The following RELN variants were observed in gnomAD, a reference collection of about 807,000 sequenced individuals.
RELN encodes the protein reelin.
A neutral mutation model predicts 427.6 loss-of-function variants in RELN; 108 were observed. That is an observed-to-expected ratio of 0.25 (90% CI 0.22 to 0.30). RELN has a LOEUF of 0.30. Among genes scored for constraint, RELN ranks in the 10% least tolerant of loss-of-function variants. RELN has a pLI of 1.00. For synonymous variants in RELN, 1,524 were observed against 1,513.4 expected, an observed-to-expected ratio of 1.01 and a Z score of -0.16; for missense variants, 3,715 against 4,302.8, an observed-to-expected ratio of 0.86 and a Z score of 3.82.
intron 4 of RELN, among the ~76,000 whole-genome samples, chr7:103,773,107 T>TCTTG (rs1491502764): frequency 2.8e-5 from 1 of 35,792 alleles, no homozygotes; most frequent in Non-Finnish European, 6.8e-5. Flanking sequence ...CTCTTTTCTT[T>TCTTG]CTTTCTTTCT....
At position 103,883,620 on chromosome 7, in the gene RELN, G is replaced by A. The variant is rs565057286; in HGVS notation, c.337+33455C>T. On this transcript the variant is annotated intron_variant, in intron 2 of 64. Coordinates refer to ENST00000428762, the MANE Select transcript of RELN (RefSeq NM_005045.4). ...CAAAATCAATGTGCAAAAGTCACAA[G>A]CATTCCTAAACACCAATAAAAGACA... Among the ~76,000 whole-genome samples the A allele has an allele frequency of 2.6e-5, 4 of 152,320 alleles. No individual in the cohort carries two copies. The East Asian group carries it at 5.8e-4, about 22-fold the overall frequency.
chr7:103,588,366 G>C (rs544835283), intron 28 of RELN, among the ~76,000 whole-genome samples: 22 of 152,206 alleles, frequency 1.4e-4, no homozygotes, highest in African/African-American at 5.1e-4. Context: ...TGGAAAGACA[G>C]ATAACAGAGA....
At chr7:103,972,123 TTGTA>T (rs113906573) in intron 1 of RELN, among the ~76,000 whole-genome samples, 1 of 152,114 alleles carries the variant, frequency 6.6e-6, no homozygotes, top group East Asian at 1.9e-4. Flanking sequence ...CTCTGCAATG[TTGTA>T]TGTATTATCT....
At chr7:103,811,599 A>G (rs1792745504) in intron 3 of RELN, among the ~76,000 whole-genome samples, 1 of 152,220 alleles carries the variant, frequency 6.6e-6, no homozygotes, top group African/African-American at 2.4e-5. Context: ...CAGAGTGGCT[A>G]AGCAATAAAT....
rs764360388 is a variant in RELN, at chr7:103,561,686, G to A, written c.5375C>T (p.Pro1792Leu). Reference protein sequence around the residue: ...RCVCDRGFGGPYCVPVVPLPS... With the variant: ...RCVCDRGFGGLYCVPVVPLPS... ...CAGAGGAACAACAGGAACACAATAG[G>A]GTCCACCAAAGCCCCGGTCACACCT... The change falls in exon 36 of 65, where the codon CCC becomes CTC. Residue 1792 changes from proline (P) to leucine (L), a missense_variant. By Grantham distance (98) the Pro-to-Leu change is moderately conservative (BLOSUM62 -3). Coordinates refer to ENST00000428762, the MANE Select transcript of RELN (RefSeq NM_005045.4). 1 of 1,613,818 alleles carries A rather than the reference G, an allele frequency of 6.2e-7. No individual in the cohort carries two copies.
At chr7:103,682,989 ATGTT>A (rs1247649775) in intron 10 of RELN, among the ~76,000 whole-genome samples, 1 of 152,096 alleles carries the variant, frequency 6.6e-6, no homozygotes, top group Admixed American at 6.6e-5. Context: ...GAGATAGTAA[ATGTT>A]AGTTACTTTA....
chr7:103,904,381 T>C (rs1325635633), intron 2 of RELN, among the ~76,000 whole-genome samples: 1 of 152,138 alleles, frequency 6.6e-6, no homozygotes, highest in Admixed American at 6.6e-5. Context: ...AGTAATGGGA[T>C]TGCTGGGTCA....
chr7:103,580,710 C>T (rs555983115), intron 28 of RELN, among the ~76,000 whole-genome samples: 1 of 152,112 alleles, frequency 6.6e-6, no homozygotes, highest in Non-Finnish European at 1.5e-5. Flanking sequence ...CAATACGTAG[C>T]CATTTATCCC....
At chr7:103,742,200 A>T (rs1026535386) in intron 6 of RELN, among the ~76,000 whole-genome samples, 1 of 152,238 alleles carries the variant, frequency 6.6e-6, no homozygotes, top group Non-Finnish European at 1.5e-5. Flanking sequence ...CCTGCAGCTA[A>T]GGGTCCTGTC....
chr7:103,663,569 G>A (rs1214424703), intron 11 of RELN, among the ~76,000 whole-genome samples: 3 of 152,064 alleles, frequency 2.0e-5, no homozygotes, highest in African/African-American at 4.8e-5. Flanking sequence ...TTCTTCTCCC[G>A]ACCACACGTC....
chr7:103,766,878 TA>T (rs1340724082), intron 4 of RELN, among the ~76,000 whole-genome samples: 1 of 152,182 alleles, frequency 6.6e-6, no homozygotes, highest in African/African-American at 2.4e-5. Flanking sequence ...CCTCCTGACA[TA>T]AAACGTTTGC....
At chr7:103,975,809 G>C (rs1481046405) in intron 1 of RELN, among the ~76,000 whole-genome samples, 1 of 150,674 alleles carries the variant, frequency 6.6e-6, no homozygotes, top group Non-Finnish European at 1.5e-5. Flanking sequence ...GCATCCCAAA[G>C]TGCTAGGATT....
intron 8 of RELN, among the ~76,000 whole-genome samples, chr7:103,714,373 A>G (rs535094084): frequency 6.6e-6 from 1 of 152,352 alleles, no homozygotes; most frequent in East Asian, 1.9e-4. Context: ...ACAGAGTTCA[A>G]GACAAGAGGG....
At chr7:103,857,972 T>C (rs959123597) in intron 2 of RELN, among the ~76,000 whole-genome samples, 6 of 152,132 alleles carry the variant, frequency 3.9e-5, no homozygotes, top group Middle Eastern at 3.4e-3. Flanking sequence ...TACAACATAG[T>C]AATGTTTTAT....
At chr7:103,486,979 C>T (rs1020410826) in intron 60 of RELN, among the ~76,000 whole-genome samples, 2 of 152,206 alleles carry the variant, frequency 1.3e-5, no homozygotes, top group Non-Finnish European at 2.9e-5. Flanking sequence ...CAGCACTATT[C>T]ACAACAGCAA....
At chr7:103,853,308 A>C (rs1793868655) in intron 2 of RELN, among the ~76,000 whole-genome samples, 1 of 152,040 alleles carries the variant, frequency 6.6e-6, no homozygotes, top group South Asian at 2.1e-4. Flanking sequence ...TATTTGTTAA[A>C]ATGTAAATTT....
At chr7:103,975,451 C>T (rs557300366) in intron 1 of RELN, among the ~76,000 whole-genome samples, 3 of 151,986 alleles carry the variant, frequency 2.0e-5, no homozygotes, top group East Asian at 1.9e-4. Context: ...ACAGACAGGA[C>T]GATAATAGCA....
At position 103,989,324 on chromosome 7, in the gene RELN, G is replaced by A. The variant is rs1253998939; in HGVS notation, c.33C>T (p.Phe11=). 8.8e-6 allele frequency: 14 copies of A among 1,585,716 alleles called. No homozygotes were observed. The highest frequency in any genetic ancestry group is 1.7e-5 in the Admixed American group (1 of 59,210). Reference sequence around the variant, plus strand: ...TCGCCCCCAGCAACAGCGCTAGGAGGAAAGTCTGCCGGGCCCAGCCACTGC... The same window carrying A: ...TCGCCCCCAGCAACAGCGCTAGGAGAAAAGTCTGCCGGGCCCAGCCACTGC... The part of the protein sequence containing the change: MERSGWARQT[F]LLALLLGATL... The change falls in exon 1 of 65, where the codon TTC becomes TTT. Residue 11 remains phenylalanine, a synonymous_variant. Coordinates refer to ENST00000428762, the MANE Select transcript of RELN (RefSeq NM_005045.4). The surrounding 1 kb of genome is among the most constrained non-coding windows in gnomAD (Gnocchi z 4.9).
intron 1 of RELN, among the ~76,000 whole-genome samples, chr7:103,954,204 G>C (rs548052167): frequency 2.0e-5 from 3 of 152,172 alleles, no homozygotes; most frequent in Admixed American, 6.5e-5. Flanking sequence ...AGGTTGCAGT[G>C]AGCCGAGATC....
Sources: gnomAD v4.1 joint callset for allele counts (sites outside exome capture counted in the v4.1 genomes callset) on GRCh38, gnomAD v4.1.1 for gene constraint, Gnocchi (gnomAD v3.1) non-coding constraint, MANE v1.5 for transcripts, NCBI Gene and HGNC (gene_info 2026-07-23, HGNC 2026-07-21) for gene names.